ATP8A2: variants seen among roughly 807,000 people sequenced by gnomAD.
ATP8A2 encodes the protein phospholipid-transporting ATPase IB.
Under a neutral mutation model 165.6 loss-of-function variants are expected in ATP8A2, and 100 were observed. The observed-to-expected ratio is 0.60, with a 90% CI of 0.51 to 0.71. The LOEUF is 0.71. Ranked by LOEUF, ATP8A2 falls within the 30% of genes least tolerant of loss-of-function variation. The probability of loss-of-function intolerance (pLI) is 0.00; values close to 1 mark genes in which losing one functional copy is unlikely to be tolerated. For synonymous variants in ATP8A2, 543 were observed against 548.8 expected, an observed-to-expected ratio of 0.99 and a Z score of 0.15; for missense variants, 1,227 against 1,479.5, an observed-to-expected ratio of 0.83 and a Z score of 2.80.
chr13:25,698,906 G>A (rs1405898755), intron 24 of ATP8A2, among the ~76,000 whole-genome samples: 2 of 152,002 alleles, frequency 1.3e-5, no homozygotes, highest in Non-Finnish European at 2.9e-5. Context: ...TATTCTAGGG[G>A]CACCAAGAAT....
rs1257748853 is a variant in ATP8A2 at position 26,020,155 on chromosome 13, G to C, written c.*170G>C. On this transcript the variant is annotated 3_prime_UTR_variant, in exon 37 of 37. Coordinates refer to ENST00000381655, the MANE Select transcript of ATP8A2 (RefSeq NM_016529.6). ...TTACATATTCCCTCGCAAACCTGGAGTGCAGACCACAGGGGAAGCTATCTT... is the reference window on the plus strand; with the variant it reads ...TTACATATTCCCTCGCAAACCTGGACTGCAGACCACAGGGGAAGCTATCTT... 1.6e-6 allele frequency: 1 copy of C among 612,606 alleles called. No individual in the cohort carries two copies. Among genetic ancestry groups the C allele is most frequent in the African/African-American group, 1.8e-5 (1 of 54,158 alleles). The allele number at this position is 612,606 out of a possible 1,614,324, so 37.9% of individuals were successfully genotyped here.
chr13:25,540,450 C>T, intron 8 of ATP8A2, 62 bp downstream of exon 8: 5 of 1,179,474 alleles, frequency 4.2e-6, no homozygotes, highest in Non-Finnish European at 6.4e-6. Context: ...GTGGTCCCCA[C>T]ATATCTTTTT....
intron 1 of ATP8A2, among the ~76,000 whole-genome samples, chr13:25,423,632 T>C (rs546646834): frequency 6.6e-6 from 1 of 152,334 alleles, no homozygotes; most frequent in Admixed American, 6.5e-5. Flanking sequence ...TCTTTTTAGG[T>C]TGTGCAATCT....
chr13:25,753,441 AC>A (rs530078889), intron 25 of ATP8A2, among the ~76,000 whole-genome samples: 17 of 152,226 alleles, frequency 1.1e-4, no homozygotes, highest in African/African-American at 3.9e-4. Flanking sequence ...TTGCCTTTCT[AC>A]AGAGTACAGC....
chr13:25,922,437 C>T (rs866618617), intron 33 of ATP8A2, among the ~76,000 whole-genome samples: 3 of 152,186 alleles, frequency 2.0e-5, no homozygotes, highest in African/African-American at 4.8e-5. Context: ...CCTGATGTTT[C>T]AGTGAACCAC....
chr13:25,891,619 C>T (rs780846503), intron 33 of ATP8A2, among the ~76,000 whole-genome samples: 5 of 152,184 alleles, frequency 3.3e-5, no homozygotes, highest in East Asian at 1.9e-4. Flanking sequence ...CCACTGTGCC[C>T]GGCCAGATCT....
chr13:25,491,262 A>C (rs987807082), intron 2 of ATP8A2, among the ~76,000 whole-genome samples: 2 of 152,114 alleles, frequency 1.3e-5, no homozygotes, highest in Admixed American at 6.5e-5. Flanking sequence ...CCCACAACCA[A>C]CTGAACAGTA....
At chr13:25,377,988 C>A (rs2032698226) in intron 1 of ATP8A2, among the ~76,000 whole-genome samples, 1 of 152,238 alleles carries the variant, frequency 6.6e-6, no homozygotes, top group South Asian at 2.1e-4. Flanking sequence ...CATTGTGGCA[C>A]ATGCCTGTAG....
At chr13:25,409,914 G>C (rs1414630464) in intron 1 of ATP8A2, among the ~76,000 whole-genome samples, 2 of 152,062 alleles carry the variant, frequency 1.3e-5, no homozygotes, top group African/African-American at 2.4e-5. Context: ...AGTTATGTGT[G>C]CTGCCTTCCA....
intron 24 of ATP8A2, among the ~76,000 whole-genome samples, chr13:25,664,899 T>C (rs11842653): frequency 0.097 from 14,691 of 151,862 alleles, 1,508 homozygotes; most frequent in East Asian, 0.37. Context: ...AAGATTGACA[T>C]TTAAGACAAA....
At chr13:25,515,029 G>A (rs2037419967) in intron 2 of ATP8A2, among the ~76,000 whole-genome samples, 1 of 152,226 alleles carries the variant, frequency 6.6e-6, no homozygotes, top group African/African-American at 2.4e-5. Flanking sequence ...AGTGAGGAAA[G>A]CAGGTGGACT....
At chr13:25,892,117 A>G (rs1953383048) in intron 33 of ATP8A2, among the ~76,000 whole-genome samples, 1 of 151,606 alleles carries the variant, frequency 6.6e-6, no homozygotes. Context: ...CTGGGACTAC[A>G]GGCGCCCGCC....
At chr13:25,568,300 TG>T (rs2039373776) in intron 16 of ATP8A2, among the ~76,000 whole-genome samples, 1 of 152,230 alleles carries the variant, frequency 6.6e-6, no homozygotes, top group African/African-American at 2.4e-5. Flanking sequence ...AACTTTCTTT[TG>T]AATCATTATG....
At chr13:25,691,750 A>T (rs1257722434) in intron 24 of ATP8A2, among the ~76,000 whole-genome samples, 1 of 152,226 alleles carries the variant, frequency 6.6e-6, no homozygotes, top group Non-Finnish European at 1.5e-5. Flanking sequence ...ATATTCCTAG[A>T]TTGGAAGAAG....
intron 2 of ATP8A2, among the ~76,000 whole-genome samples, chr13:25,481,501 A>C (rs918464210): frequency 1.1e-4 from 16 of 152,160 alleles, no homozygotes; most frequent in Admixed American, 1.3e-4. Context: ...GGGTTAATTT[A>C]GTTTAAATTG....
intron 24 of ATP8A2, among the ~76,000 whole-genome samples, chr13:25,619,360 C>T (rs2040910568): frequency 6.6e-6 from 1 of 152,134 alleles, no homozygotes; most frequent in South Asian, 2.1e-4. Context: ...AGCTCCTCTT[C>T]ATAGGAGGGC....
Position 25,791,531 on chromosome 13 carries a change from A to T in ATP8A2, c.2679+16572A>T, listed in dbSNP as rs543195739. On this transcript the variant is annotated intron_variant, in intron 27 of 36. Transcript: ENST00000381655. ...TGCACATGTATCCCCGAACTTAAAC[A>T]CACACACACATACACACACACACAC... 1.2e-3 allele frequency among the ~76,000 whole-genome samples: 126 copies of T among 100,952 alleles called. 1 individual carries two copies. Among genetic ancestry groups the T allele is most frequent in the African/African-American group, 4.0e-3 (120 of 29,746 alleles). 66.2% of individuals were successfully genotyped at this position (100,952 alleles called of 152,430 possible).
chr13:25,984,702 G>A (rs1219249142), intron 35 of ATP8A2, among the ~76,000 whole-genome samples: 2 of 152,186 alleles, frequency 1.3e-5, no homozygotes, highest in Admixed American at 1.3e-4. Flanking sequence ...TAAGACCTGT[G>A]ATGAAGTTGG....
intron 33 of ATP8A2, among the ~76,000 whole-genome samples, chr13:25,905,405 A>G (rs1420440872): frequency 1.3e-5 from 2 of 150,168 alleles, no homozygotes; most frequent in South Asian, 2.1e-4. Flanking sequence ...TCTTTCACTT[A>G]TTTTTATATG....
Sources: allele counts gnomAD v4.1 joint callset (sites outside exome capture counted in the v4.1 genomes callset), GRCh38; gene constraint gnomAD v4.1.1; transcripts MANE v1.5; gene names NCBI Gene and HGNC (gene_info 2026-07-23, HGNC 2026-07-21).